The following ESRRB variants were observed in gnomAD, a reference collection of about 807,000 sequenced individuals.
The protein encoded by ESRRB is estrogen related receptor beta, also known as steroid hormone receptor ERR2.
ESRRB carries 16 observed loss-of-function variants against 46.0 expected under a neutral mutation model. The observed-to-expected ratio is 0.35, with a 90% CI of 0.24 to 0.53. The LOEUF (loss-of-function observed/expected upper bound fraction) is 0.53, where lower values mean the gene tolerates loss of function less well. Among genes scored for constraint, ESRRB ranks in the 20% least tolerant of loss-of-function variants. The pLI is 0.93. For synonymous variants in ESRRB, 246 were observed against 259.6 expected (o/e 0.95, Z 0.50); for missense variants, 488 against 607.4 (o/e 0.80, Z 2.07).
intron 1 of ESRRB, among the ~76,000 whole-genome samples, chr14:76,328,491 A>G (rs1403376095): frequency 3.3e-5 from 5 of 152,084 alleles, no homozygotes; most frequent in Non-Finnish European, 1.5e-5. Context: ...ATATGTGCCT[A>G]TGTGTAGGTG....
At position 76,482,623 on chromosome 14, in the gene ESRRB, G is replaced by A. The variant is rs2140032203; in HGVS notation, c.714G>A (p.Leu238=). 1 of 1,614,124 alleles carries A rather than the reference G, an allele frequency of 6.2e-7. No individual in the cohort carries two copies. ...KPLTKIVSYL[L]VAEPDKLYAM... ...TGACCAAGATTGTCTCATACCTACTGGTGGCTGAGCCGGACAAGCTCTATG... is the reference window on the plus strand; with the variant it reads ...TGACCAAGATTGTCTCATACCTACTAGTGGCTGAGCCGGACAAGCTCTATG... The change falls in exon 5 of 7, where the codon CTG becomes CTA. Residue 238 remains leucine (L), a synonymous_variant. Transcript: ENST00000644823. This position sits in a 1 kb window ranked among gnomAD's most constrained non-coding sequence, Gnocchi z 4.3.
upstream of ESRRB, among the ~76,000 whole-genome samples, chr14:76,370,040 T>C (rs1884583382): frequency 6.6e-6 from 1 of 152,174 alleles, no homozygotes; most frequent in Non-Finnish European, 1.5e-5. Context: ...CTACCAGTGA[T>C]GAGACCCTAG....
At chr14:76,366,115 A>G (rs977060895) in intron 1 of ESRRB, among the ~76,000 whole-genome samples, 1 of 152,202 alleles carries the variant, frequency 6.6e-6, no homozygotes, top group Non-Finnish European at 1.5e-5. Flanking sequence ...ATTTTAAACC[A>G]GTCATGGTGG....
At chr14:76,366,811 G>A (rs979327964), upstream of ESRRB, among the ~76,000 whole-genome samples, 2 of 152,170 alleles carry the variant, frequency 1.3e-5, no homozygotes, top group Non-Finnish European at 2.9e-5. Flanking sequence ...CGGAACTAGA[G>A]TGTTGAAGTA....
chr14:76,351,619 G>A (rs112332521), intron 1 of ESRRB, among the ~76,000 whole-genome samples: 196 of 152,280 alleles, frequency 1.3e-3, no homozygotes, highest in African/African-American at 3.3e-3. Context: ...ATATCTTTTC[G>A]AGGGATGCAA....
chr14:76,407,411 T>C (rs1009173153), intron 1 of ESRRB: 4 of 336,230 alleles, frequency 1.2e-5, no homozygotes, highest in Non-Finnish European at 1.7e-5. Context: ...CCCCTCTCCA[T>C]GTTTGAGGGC....
chr14:76,352,149 G>A (rs551963537), intron 1 of ESRRB, among the ~76,000 whole-genome samples: 32 of 152,262 alleles, frequency 2.1e-4, no homozygotes, highest in South Asian at 2.1e-4. Context: ...AGTGAACTGT[G>A]TGACTCAGGA....
chr14:76,491,040 C>G (rs1054619553), intron 5 of ESRRB, among the ~76,000 whole-genome samples: 8 of 152,134 alleles, frequency 5.3e-5, no homozygotes, highest in East Asian at 1.9e-4. Context: ...GAGAGTGGGC[C>G]CTGGAAACTC....
At chr14:76,386,424 C>T (rs28591561) in intron 1 of ESRRB, among the ~76,000 whole-genome samples, 4 of 150,948 alleles carry the variant, frequency 2.6e-5, no homozygotes, top group Non-Finnish European at 4.4e-5. Context: ...TGACCAAGCC[C>T]GAAAGATTAA....
intron 1 of ESRRB, among the ~76,000 whole-genome samples, chr14:76,410,865 C>A (rs1886406878): frequency 6.6e-6 from 1 of 151,988 alleles, no homozygotes; most frequent in South Asian, 2.1e-4. Context: ...CTCACTGCAA[C>A]CTCCCCCTTC....
chr14:76,417,397 C>A (rs1449557711), intron 1 of ESRRB, among the ~76,000 whole-genome samples: 3 of 152,072 alleles, frequency 2.0e-5, no homozygotes, highest in Non-Finnish European at 2.9e-5. Context: ...TGGCTGGGGT[C>A]AGGTCACAGG....
chr14:76,487,784 T>G (rs1378153299), intron 5 of ESRRB, among the ~76,000 whole-genome samples: 1 of 151,982 alleles, frequency 6.6e-6, no homozygotes, highest in Non-Finnish European at 1.5e-5. Flanking sequence ...TTAAATTATT[T>G]GTAGAGATGG....
At chr14:76,387,039 C>A (rs1885260279) in intron 1 of ESRRB, among the ~76,000 whole-genome samples, 1 of 152,174 alleles carries the variant, frequency 6.6e-6, no homozygotes, top group Non-Finnish European at 1.5e-5. Context: ...GCCAAAGCAG[C>A]AGCTCTCCCT....
At chr14:76,466,671 T>C (rs1397270804) in intron 3 of ESRRB, among the ~76,000 whole-genome samples, 2 of 152,124 alleles carry the variant, frequency 1.3e-5, no homozygotes, top group Non-Finnish European at 2.9e-5. Context: ...TAGGAGTTGA[T>C]GGCCTGTGTT....
At chr14:76,378,494 G>T (rs1273046100) in intron 1 of ESRRB, among the ~76,000 whole-genome samples, 1 of 151,266 alleles carries the variant, frequency 6.6e-6, no homozygotes, top group Non-Finnish European at 1.5e-5. Flanking sequence ...AACCCTTTCC[G>T]GTTTTTTTTT....
intron 1 of ESRRB, among the ~76,000 whole-genome samples, chr14:76,398,936 TG>T (rs1300861122): frequency 3.3e-5 from 5 of 152,176 alleles, no homozygotes; most frequent in African/African-American, 1.2e-4. Context: ...CTGAGGGGAC[TG>T]TAGGAAGTGA....
At position 76,376,591 on chromosome 14, in the gene ESRRB, G is replaced by C; in HGVS notation, c.50+140G>C. 1 of 527,438 alleles carries C rather than the reference G, an allele frequency of 1.9e-6. No individual in the cohort carries two copies. Among genetic ancestry groups the C allele is most frequent in the Non-Finnish European group, 2.9e-6 (1 of 344,634 alleles). 32.7% of individuals were successfully genotyped at this position (527,438 alleles called of 1,614,324 possible). ...GGGGCACTTGGGGGACGAAGGAGGGGAAAAGCCGCACACTTCTGGGTTTCT... is the reference window on the plus strand; with the variant it reads ...GGGGCACTTGGGGGACGAAGGAGGGCAAAAGCCGCACACTTCTGGGTTTCT... On this transcript the variant is annotated intron_variant, in intron 1 of 6. Coordinates refer to ENST00000644823, the MANE Select transcript of ESRRB (RefSeq NM_001379180.1). The surrounding 1 kb of genome is among the most constrained non-coding windows in gnomAD (Gnocchi z 4.1).
chr14:76,427,467 A>G (rs1485596730), intron 1 of ESRRB, among the ~76,000 whole-genome samples: 2 of 152,068 alleles, frequency 1.3e-5, no homozygotes, highest in Non-Finnish European at 2.9e-5. Flanking sequence ...CAGTTCTAGC[A>G]GTGCCTGAAT....
chr14:76,324,507 C>G (rs1883904668), intron 1 of ESRRB, among the ~76,000 whole-genome samples: 1 of 152,156 alleles, frequency 6.6e-6, no homozygotes, highest in Admixed American at 6.5e-5. Context: ...TCATCCCCTC[C>G]CTCTCTGTGG....
Sources: gnomAD v4.1 joint callset for allele counts (sites outside exome capture counted in the v4.1 genomes callset) on GRCh38, gnomAD v4.1.1 for gene constraint, Gnocchi (gnomAD v3.1) non-coding constraint, MANE v1.5 for transcripts, NCBI Gene and HGNC (gene_info 2026-07-23, HGNC 2026-07-21) for gene names.